The following TLK2 variants were observed in gnomAD, a reference collection of about 807,000 sequenced individuals.
The protein encoded by TLK2 is serine/threonine-protein kinase tousled-like 2.
In TLK2, 6 loss-of-function variants were observed where a neutral mutation model predicts 117.3. The ratio of observed to expected loss-of-function variants is 0.05; its 90% confidence interval spans 0.03 to 0.10. The LOEUF is 0.10. Among genes scored for constraint, TLK2 ranks in the 10% least tolerant of loss-of-function variants. The probability of loss-of-function intolerance (pLI) is 1.00; values close to 1 mark genes in which losing one functional copy is unlikely to be tolerated. For missense variants in TLK2, 299 were observed against 901.2 expected, an observed-to-expected ratio of 0.33 and a Z score of 8.56; for synonymous variants, 257 against 316.7, an observed-to-expected ratio of 0.81 and a Z score of 2.00.
At chr17:62,599,087 A>G (rs934617832) in intron 17 of TLK2, among the ~76,000 whole-genome samples, 1 of 152,146 alleles carries the variant, frequency 6.6e-6, no homozygotes, top group Non-Finnish European at 1.5e-5. Flanking sequence ...CTGGGATTAC[A>G]GGCATGCGCC....
intron 11 of TLK2, 150 bp from the exon 12 acceptor site, chr17:62,573,065 C>G (rs537022140): frequency 1.2e-6 from 1 of 801,876 alleles, no homozygotes; most frequent in South Asian, 2.0e-5. Flanking sequence ...TTTGGCCCTT[C>G]CAATCTGAAG....
At chr17:62,574,106 A>G (rs2080547176) in intron 12 of TLK2, among the ~76,000 whole-genome samples, 1 of 152,198 alleles carries the variant, frequency 6.6e-6, no homozygotes, top group Non-Finnish European at 1.5e-5. Flanking sequence ...CTAATATGTC[A>G]TTTGCTTTAT....
intron 21 of TLK2, among the ~76,000 whole-genome samples, chr17:62,611,274 T>C (rs1371556898): frequency 6.6e-6 from 1 of 152,274 alleles, no homozygotes; most frequent in Non-Finnish European, 1.5e-5. Flanking sequence ...TGAATTGTTT[T>C]TATCTTCCAA....
intron 16 of TLK2, among the ~76,000 whole-genome samples, chr17:62,586,890 T>C (rs1489977051): frequency 6.6e-6 from 1 of 151,906 alleles, no homozygotes; most frequent in African/African-American, 2.4e-5. Context: ...TGGTGGGCTG[T>C]TTCTGCTACT....
At chr17:62,591,596 G>A (rs1028876223) in intron 16 of TLK2, among the ~76,000 whole-genome samples, 1 of 152,122 alleles carries the variant, frequency 6.6e-6, no homozygotes, top group Non-Finnish European at 1.5e-5. Flanking sequence ...TTGGAAAAAC[G>A]TAAAGATGAT....
At chr17:62,548,980 C>A (rs1161389178) in intron 7 of TLK2, among the ~76,000 whole-genome samples, 3 of 151,184 alleles carry the variant, frequency 2.0e-5, no homozygotes, top group Non-Finnish European at 4.4e-5. Flanking sequence ...ACCTCATGAT[C>A]CACCCACCTC....
chr17:62,488,064 C>T (rs2072668308), intron 2 of TLK2, among the ~76,000 whole-genome samples: 2 of 152,134 alleles, frequency 1.3e-5, no homozygotes, highest in South Asian at 2.1e-4. Context: ...CTCAGCCTCC[C>T]GAGTGGCTGG....
intron 2 of TLK2, among the ~76,000 whole-genome samples, chr17:62,507,170 A>C (rs766640620): frequency 6.6e-6 from 1 of 151,908 alleles, no homozygotes; most frequent in Non-Finnish European, 1.5e-5. Context: ...GCACTTAGGG[A>C]GGCTGAGGCA....
chr17:62,594,789 TACACACACACAC>T (rs143695451), intron 16 of TLK2, among the ~76,000 whole-genome samples: 50,953 of 145,452 alleles, frequency 0.35, 10,744 homozygotes, highest in Non-Finnish European at 0.48. Context: ...GCAGGGCGGG[TACACACACACAC>T]ACACACACAC....
chr17:62,530,660 CAG>C (rs1198182117), intron 6 of TLK2, among the ~76,000 whole-genome samples: 1 of 152,134 alleles, frequency 6.6e-6, no homozygotes, highest in Non-Finnish European at 1.5e-5. Flanking sequence ...TCAGTGCTAT[CAG>C]TGTTCGTTTA....
intron 6 of TLK2, among the ~76,000 whole-genome samples, chr17:62,528,510 G>A (rs1349335258): frequency 2.6e-5 from 4 of 151,852 alleles, no homozygotes; most frequent in Non-Finnish European, 4.4e-5. Context: ...TCAGCCTCCC[G>A]GGTTCAAGCG....
intron 7 of TLK2, among the ~76,000 whole-genome samples, chr17:62,549,431 A>AAAAAG: frequency 7.2e-6 from 1 of 139,150 alleles, no homozygotes; most frequent in African/African-American, 2.7e-5. Context: ...AAAAAAAAAA[A>AAAAAG]AAAAAATAGA....
At chr17:62,594,789 TACACACACACACACACACAC>T (rs143695451) in intron 16 of TLK2, among the ~76,000 whole-genome samples, 6 of 145,518 alleles carry the variant, frequency 4.1e-5, no homozygotes, top group Admixed American at 2.1e-4. Flanking sequence ...GCAGGGCGGG[TACACACACACACACACACAC>T]ACACACACAC....
chr17:62,575,023 T>G (rs947470031), intron 12 of TLK2, among the ~76,000 whole-genome samples: 1 of 152,254 alleles, frequency 6.6e-6, no homozygotes, highest in Non-Finnish European at 1.5e-5. Context: ...GTGTGTATTT[T>G]GTGAAGGGAC....
At chr17:62,495,653 T>TTTTA (rs1555600333) in intron 2 of TLK2, among the ~76,000 whole-genome samples, 1 of 137,904 alleles carries the variant, frequency 7.3e-6, no homozygotes. Context: ...ATTTTAAAAA[T>TTTTA]TATATATATA....
At chr17:62,535,996 A>G (rs545599642) in intron 6 of TLK2, among the ~76,000 whole-genome samples, 174 bp from the exon 7 acceptor site, 1 of 152,298 alleles carries the variant, frequency 6.6e-6, no homozygotes, top group East Asian at 1.9e-4. Context: ...ACATTTTTAG[A>G]TAGGTTATAA....
At chr17:62,487,809 G>A (rs901941390) in intron 2 of TLK2, among the ~76,000 whole-genome samples, 2 of 151,504 alleles carry the variant, frequency 1.3e-5, no homozygotes, top group African/African-American at 4.8e-5. Flanking sequence ...TTTTATTAGA[G>A]GTGGGGTTTC....
At chr17:62,521,587 C>A (rs2076054104) in intron 3 of TLK2, among the ~76,000 whole-genome samples, 1 of 152,000 alleles carries the variant, frequency 6.6e-6, no homozygotes, top group Non-Finnish European at 1.5e-5. Flanking sequence ...AGAGGCGGGG[C>A]CTTGCTATGT....
At chr17:62,509,903 C>T (rs1160806982) in intron 2 of TLK2, among the ~76,000 whole-genome samples, 1 of 152,228 alleles carries the variant, frequency 6.6e-6, no homozygotes, top group Non-Finnish European at 1.5e-5. Flanking sequence ...TGGACCCTCA[C>T]CAGACACCTA....
Sources: gnomAD v4.1 joint callset for allele counts (sites outside exome capture counted in the v4.1 genomes callset) on GRCh38, gnomAD v4.1.1 for gene constraint, MANE v1.5 for transcripts, NCBI Gene and HGNC (gene_info 2026-07-23, HGNC 2026-07-21) for gene names.